The following POU6F2 variants were observed in gnomAD, a reference collection of about 807,000 sequenced individuals.
POU6F2 encodes POU domain, class 6, transcription factor 2.
A neutral mutation model predicts 71.3 loss-of-function variants in POU6F2; 31 were observed. That is an observed-to-expected ratio of 0.43 (90% CI 0.33 to 0.59). POU6F2 has a LOEUF of 0.59. Among genes scored for constraint, POU6F2 ranks in the 20% least tolerant of loss-of-function variants. POU6F2 has a pLI of 0.04. For synonymous variants in POU6F2, 347 were observed against 355.7 expected (o/e 0.98, Z 0.27); for missense variants, 783 against 856.8 (o/e 0.91, Z 1.07).
intron 4 of POU6F2, among the ~76,000 whole-genome samples, chr7:39,334,569 T>C (rs1785725743): frequency 6.6e-6 from 1 of 152,114 alleles, no homozygotes; most frequent in African/African-American, 2.4e-5. Flanking sequence ...TTCTACACTT[T>C]TTCAAAATCC....
At chr7:39,287,509 G>A (rs573804388) in intron 4 of POU6F2, among the ~76,000 whole-genome samples, 27 of 152,304 alleles carry the variant, frequency 1.8e-4, no homozygotes, top group African/African-American at 6.0e-4. Context: ...CAACCTCACT[G>A]AGTCATTTTG....
intron 5 of POU6F2, among the ~76,000 whole-genome samples, chr7:39,399,219 TC>T (rs905833373): frequency 3.3e-5 from 5 of 152,260 alleles, no homozygotes; most frequent in African/African-American, 9.6e-5. Flanking sequence ...TCCCTTCTCT[TC>T]CCACCCAAAT....
At chr7:39,217,597 T>C (rs1794269688) in intron 4 of POU6F2, among the ~76,000 whole-genome samples, 1 of 152,198 alleles carries the variant, frequency 6.6e-6, no homozygotes, top group Non-Finnish European at 1.5e-5. Flanking sequence ...GATACGTGGC[T>C]TGCTGTCACA....
At chr7:39,438,394 C>T (rs1189335902) in intron 7 of POU6F2, among the ~76,000 whole-genome samples, 3 of 152,064 alleles carry the variant, frequency 2.0e-5, no homozygotes, top group Admixed American at 6.5e-5. Flanking sequence ...TGAGTAGTGC[C>T]GCAATAAACA....
At chr7:39,343,264 T>C (rs1290805920) in intron 5 of POU6F2, among the ~76,000 whole-genome samples, 2 of 152,140 alleles carry the variant, frequency 1.3e-5, no homozygotes, top group Non-Finnish European at 2.9e-5. Flanking sequence ...GGTGCCAGGA[T>C]GGAGAGCAGT....
intron 2 of POU6F2, among the ~76,000 whole-genome samples, chr7:39,179,685 G>A (rs2128741071): frequency 6.6e-6 from 1 of 152,338 alleles, no homozygotes. Context: ...CATGCTTTGA[G>A]TAGGAGAGAT....
intron 6 of POU6F2, among the ~76,000 whole-genome samples, chr7:39,408,820 TTTTG>T (rs1379193590): frequency 1.3e-5 from 2 of 152,184 alleles, no homozygotes; most frequent in South Asian, 2.1e-4. Context: ...ATATGGTTGG[TTTTG>T]TTTGTTTGTT....
chr7:39,172,750 A>G (rs1417112846), intron 2 of POU6F2, among the ~76,000 whole-genome samples: 4 of 151,636 alleles, frequency 2.6e-5, no homozygotes, highest in Non-Finnish European at 5.9e-5. Context: ...TTTCCCAAGT[A>G]GCTGGGACTA....
intron 1 of POU6F2, among the ~76,000 whole-genome samples, chr7:39,032,042 A>G (rs1010850455): frequency 6.6e-5 from 10 of 152,206 alleles, no homozygotes; most frequent in Admixed American, 2.0e-4. Context: ...TTCTAGATCA[A>G]TGGTCTCCTT....
At chr7:39,160,111 G>A (rs945223032) in intron 2 of POU6F2, among the ~76,000 whole-genome samples, 10 of 152,152 alleles carry the variant, frequency 6.6e-5, no homozygotes, top group East Asian at 3.9e-4. Flanking sequence ...AGAGGACAGC[G>A]TCCCAAGTTG....
intron 2 of POU6F2, among the ~76,000 whole-genome samples, chr7:39,107,905 C>T (rs1331408123): frequency 1.3e-5 from 2 of 152,270 alleles, no homozygotes; most frequent in East Asian, 3.9e-4. Flanking sequence ...ATTCTCTCTC[C>T]CCTTCCTTTG....
intron 6 of POU6F2, among the ~76,000 whole-genome samples, chr7:39,424,983 A>G (rs1562547359): frequency 1.3e-5 from 2 of 152,104 alleles, no homozygotes; most frequent in Non-Finnish European, 2.9e-5. Context: ...GATAAGAATG[A>G]TCATTGTATC....
chr7:39,315,122 G>T (rs1785238799), intron 4 of POU6F2, among the ~76,000 whole-genome samples: 1 of 152,204 alleles, frequency 6.6e-6, no homozygotes, highest in Non-Finnish European at 1.5e-5. Context: ...CTTCCCATTT[G>T]TTGTTGAGTA....
At chr7:39,038,810 C>T (rs1219736781) in intron 1 of POU6F2, among the ~76,000 whole-genome samples, 1 of 151,748 alleles carries the variant, frequency 6.6e-6, no homozygotes, top group Non-Finnish European at 1.5e-5. Flanking sequence ...GCAACAGTAC[C>T]TGGGCTGACT....
intron 1 of POU6F2, among the ~76,000 whole-genome samples, chr7:38,982,086 A>G (rs1426430188): frequency 6.6e-6 from 1 of 152,176 alleles, no homozygotes; most frequent in Admixed American, 6.5e-5. Flanking sequence ...CTCTCATAAC[A>G]CATTTGAAGA....
intron 4 of POU6F2, among the ~76,000 whole-genome samples, chr7:39,319,442 A>C (rs1164512718): frequency 6.6e-6 from 1 of 152,142 alleles, no homozygotes; most frequent in East Asian, 1.9e-4. Flanking sequence ...GAAACCTCCC[A>C]ATCCTGGCCT....
At chr7:39,337,083 A>T (rs1268257679) in intron 4 of POU6F2, among the ~76,000 whole-genome samples, 2 of 152,206 alleles carry the variant, frequency 1.3e-5, no homozygotes, top group Non-Finnish European at 2.9e-5. Flanking sequence ...TTTAACAAAG[A>T]TTCAATATGA....
chr7:39,231,498 C>CTA (rs1794573881), intron 4 of POU6F2, among the ~76,000 whole-genome samples: 1 of 152,062 alleles, frequency 6.6e-6, no homozygotes. Context: ...TAAAAAATTG[C>CTA]TATAAGAGAT....
intron 1 of POU6F2, among the ~76,000 whole-genome samples, chr7:38,988,776 G>T (rs1416339656): frequency 6.6e-6 from 1 of 152,162 alleles, no homozygotes; most frequent in Non-Finnish European, 1.5e-5. Flanking sequence ...AAGTGGCAAA[G>T]TTGGAATTGG....
Sources: gnomAD v4.1 joint callset for allele counts (sites outside exome capture counted in the v4.1 genomes callset) on GRCh38, gnomAD v4.1.1 for gene constraint, MANE v1.5 for transcripts, NCBI Gene and HGNC (gene_info 2026-07-23, HGNC 2026-07-21) for gene names.